SUPT3H: variants seen among roughly 807,000 people sequenced by gnomAD.
SUPT3H encodes the protein transcription initiation protein SPT3 homolog.
In SUPT3H, 44 loss-of-function variants were observed where a neutral mutation model predicts 44.3. That is an observed-to-expected ratio of 0.99 (90% CI 0.78 to 1.28). The LOEUF is 1.28. SUPT3H is among the 50% of genes most tolerant of loss of function. The probability of loss-of-function intolerance (pLI) is 0.00; values close to 1 mark genes in which losing one functional copy is unlikely to be tolerated. For missense variants in SUPT3H, 380 were observed against 387.1 expected (o/e 0.98, Z 0.15); for synonymous variants, 124 against 125.6 (o/e 0.99, Z 0.09).
In SUPT3H at chr6:45,125,827, C is replaced by CAAA. The variant is rs5875911; in HGVS notation, c.102-19824_102-19822dup. On this transcript the variant is annotated intron_variant, in intron 2 of 10. Transcript: ENST00000371459. ...AGAACTATTGACCTTAAACTATTACCAAAAAAAAAAAAATCTTTCTGGTTT... is the reference window on the plus strand; with the variant it reads ...AGAACTATTGACCTTAAACTATTACCAAAAAAAAAAAAAAAATCTTTCTGGTTT... 1.5e-3 allele frequency among the ~76,000 whole-genome samples: 228 copies of CAAA among 147,416 alleles called. 1 individual carries two copies. The highest frequency in any genetic ancestry group is 3.5e-3 in the Middle Eastern group (1 of 286).
At chr6:45,109,281 T>C (rs1453977464) in intron 2 of SUPT3H, among the ~76,000 whole-genome samples, 1 of 152,172 alleles carries the variant, frequency 6.6e-6, no homozygotes, top group African/African-American at 2.4e-5. Context: ...ATATGCATTA[T>C]TTAATTCGTT....
chr6:45,063,208 C>T (rs1184579220), intron 3 of SUPT3H, among the ~76,000 whole-genome samples: 8 of 144,506 alleles, frequency 5.5e-5, no homozygotes, highest in African/African-American at 2.1e-4. Flanking sequence ...CACACTGACA[C>T]CTCACACGGC....
At chr6:45,017,762 T>C (rs1046556344) in intron 4 of SUPT3H, among the ~76,000 whole-genome samples, 36 of 145,204 alleles carry the variant, frequency 2.5e-4, no homozygotes, top group African/African-American at 7.1e-4. Context: ...TGTAGTATAG[T>C]TTGAAGTCAG....
intron 10 of SUPT3H, among the ~76,000 whole-genome samples, chr6:44,908,643 G>T (rs1766507042): frequency 6.6e-6 from 1 of 152,108 alleles, no homozygotes; most frequent in Non-Finnish European, 1.5e-5. Context: ...CCCATTCCAT[G>T]TGTAAAGGAA....
intron 10 of SUPT3H, among the ~76,000 whole-genome samples, chr6:44,885,055 G>T (rs1452247839): frequency 1.3e-5 from 2 of 152,174 alleles, no homozygotes; most frequent in Non-Finnish European, 2.9e-5. Context: ...CGGCAGTGAG[G>T]CTGGGGAAGG....
At chr6:45,145,226 A>T (rs1398254081) in intron 2 of SUPT3H, among the ~76,000 whole-genome samples, 2 of 152,110 alleles carry the variant, frequency 1.3e-5, no homozygotes, top group Non-Finnish European at 2.9e-5. Context: ...ACTAAGCAAA[A>T]AGAACAAATC....
At chr6:45,299,266 G>A (rs892588621) in intron 2 of SUPT3H, among the ~76,000 whole-genome samples, 7 of 150,322 alleles carry the variant, frequency 4.7e-5, no homozygotes, top group African/African-American at 1.7e-4. Context: ...AACCCAGGAG[G>A]CAGAGGTTGC....
At chr6:45,134,792 A>G (rs1252473477) in intron 2 of SUPT3H, among the ~76,000 whole-genome samples, 1 of 152,154 alleles carries the variant, frequency 6.6e-6, no homozygotes, top group East Asian at 1.9e-4. Flanking sequence ...CTGGATTCTC[A>G]AAGGCAGCCC....
At chr6:45,370,908 A>C (rs1795954326) in intron 1 of SUPT3H, among the ~76,000 whole-genome samples, 1 of 152,112 alleles carries the variant, frequency 6.6e-6, no homozygotes, top group Non-Finnish European at 1.5e-5. Flanking sequence ...TCACAGAAAA[A>C]TTGAGTTTAA....
intron 2 of SUPT3H, among the ~76,000 whole-genome samples, chr6:45,121,574 A>G (rs987808963): frequency 5.3e-5 from 8 of 152,140 alleles, no homozygotes; most frequent in African/African-American, 1.9e-4. Flanking sequence ...ACTCAAAACA[A>G]TATTTAACAT....
At chr6:45,069,539 G>A (rs73737871) in intron 3 of SUPT3H, among the ~76,000 whole-genome samples, 108 of 152,266 alleles carry the variant, frequency 7.1e-4, no homozygotes, top group African/African-American at 2.3e-3. Flanking sequence ...GGGAAAAAAT[G>A]TAAGTATGAT....
intron 2 of SUPT3H, among the ~76,000 whole-genome samples, chr6:45,264,366 C>G (rs1774902906): frequency 6.6e-6 from 1 of 152,022 alleles, no homozygotes; most frequent in Admixed American, 6.6e-5. Context: ...TTCTAACTTC[C>G]TCAAGAAAAC....
intron 2 of SUPT3H, among the ~76,000 whole-genome samples, chr6:45,156,627 G>A (rs898644784): frequency 1.3e-5 from 2 of 151,432 alleles, no homozygotes; most frequent in Non-Finnish European, 2.9e-5. Context: ...TTAAATCAGT[G>A]TCAGCTTTGC....
intron 3 of SUPT3H, among the ~76,000 whole-genome samples, chr6:45,046,291 T>C (rs958945510): frequency 6.6e-6 from 1 of 152,138 alleles, no homozygotes; most frequent in African/African-American, 2.4e-5. Flanking sequence ...TGTATATGTA[T>C]GTCTATCTTT....
chr6:45,105,517 C>CAAT (rs889628695), intron 3 of SUPT3H, among the ~76,000 whole-genome samples: 3 of 152,094 alleles, frequency 2.0e-5, no homozygotes, highest in Non-Finnish European at 2.9e-5. Flanking sequence ...ATACTATAGT[C>CAAT]TATTGATTGT....
At chr6:45,111,182 G>A (rs1373594024) in intron 2 of SUPT3H, among the ~76,000 whole-genome samples, 1 of 151,690 alleles carries the variant, frequency 6.6e-6, no homozygotes, top group East Asian at 1.9e-4. Context: ...ACAGGCGCCC[G>A]CCACCATGCC....
chr6:45,116,180 A>G (rs1800815301), intron 2 of SUPT3H, among the ~76,000 whole-genome samples: 1 of 152,158 alleles, frequency 6.6e-6, no homozygotes, highest in Non-Finnish European at 1.5e-5. Flanking sequence ...GCATTTAAGG[A>G]AGTTTGCCCT....
intron 2 of SUPT3H, among the ~76,000 whole-genome samples, chr6:45,146,669 A>G (rs903286869): frequency 1.3e-5 from 2 of 152,176 alleles, no homozygotes; most frequent in African/African-American, 4.8e-5. Flanking sequence ...TATAAATACA[A>G]TCAATGCCTA....
At chr6:44,931,834 T>G (rs1344040222) in intron 10 of SUPT3H, among the ~76,000 whole-genome samples, 1 of 152,154 alleles carries the variant, frequency 6.6e-6, no homozygotes, top group African/African-American at 2.4e-5. Flanking sequence ...TCCACTCAGG[T>G]AAAAATGTAT....
Sources: allele counts gnomAD v4.1 joint callset (sites outside exome capture counted in the v4.1 genomes callset), GRCh38; gene constraint gnomAD v4.1.1; transcripts MANE v1.5; gene names NCBI Gene and HGNC (gene_info 2026-07-23, HGNC 2026-07-21).